KLHL28: variants seen among roughly 807,000 people sequenced by gnomAD.
KLHL28 encodes kelch like family member 28.
A neutral mutation model predicts 48.3 loss-of-function variants in KLHL28; 22 were observed. That is an observed-to-expected ratio of 0.46 (90% CI 0.33 to 0.65). KLHL28 has a LOEUF of 0.65. Ranked by LOEUF, KLHL28 falls within the 30% of genes least tolerant of loss-of-function variation. The pLI is 0.03. For synonymous variants in KLHL28, 243 were observed against 242.4 expected, an observed-to-expected ratio of 1.00 and a Z score of -0.02; for missense variants, 527 against 704.3, an observed-to-expected ratio of 0.75 and a Z score of 2.85.
At chr14:44,944,888 T>C (rs1448680905) in intron 2 of KLHL28, 142 bp downstream of exon 2, 2 of 611,426 alleles carry the variant, frequency 3.3e-6, no homozygotes, top group Non-Finnish European at 2.8e-6. Flanking sequence ...ACGTAAGTAT[T>C]TTAGGAAGAA....
In KLHL28 at chr14:44,931,557, A is replaced by C; in HGVS notation, c.1344-16T>G. On this transcript the variant is annotated splice_polypyrimidine_tract_variant and intron_variant, in intron 3 of 4. Coordinates refer to ENST00000396128, the MANE Select transcript of KLHL28 (RefSeq NM_017658.5). ...ACGCTCCACACTGCAAATATTTAAA[A>C]AAAATTTAATTTACAGATCTTTTGT... The C allele has an allele frequency of 6.3e-7, 1 of 1,590,644 alleles. No homozygotes were observed. Among genetic ancestry groups the C allele is most frequent in the Non-Finnish European group, 8.6e-7 (1 of 1,163,524 alleles).
Position 44,934,126 on chromosome 14 carries a change from G to A in KLHL28, c.1332C>T (p.Ala444=). 6.2e-7 allele frequency: 1 copy of A among 1,611,070 alleles called. No individual in the cohort carries two copies. Among genetic ancestry groups the A allele is most frequent in the East Asian group, 2.2e-5 (1 of 44,848 alleles). The part of the protein sequence containing the change: ...MIYAIGGYGP[A]HMNSVERYDP... ...ATTAAGTTAAATACCTGTTCATGTG[G>A]GCAGGACCATACCCACCAATGGCAT... Residue 444 remains alanine, a synonymous_variant, in exon 3 of 5, where the codon GCC becomes GCT. Transcript: ENST00000396128.
chr14:44,957,470 C>T (rs1884842726), intron 1 of KLHL28, among the ~76,000 whole-genome samples: 1 of 152,096 alleles, frequency 6.6e-6, no homozygotes, highest in African/African-American at 2.4e-5. Flanking sequence ...GAACAATGCT[C>T]TCTACACATT....
At chr14:44,941,853 C>T (rs1031208299) in intron 2 of KLHL28, among the ~76,000 whole-genome samples, 1 of 151,996 alleles carries the variant, frequency 6.6e-6, no homozygotes, top group African/African-American at 2.4e-5. Flanking sequence ...TCCTGCTGCC[C>T]TCATCTTAAA....
Position 44,940,595 on chromosome 14 carries a change from TA to T in KLHL28, c.899+4434del, listed in dbSNP as rs1407143657. ...TTCTTCTCTAGCAGGCCTCCTCTCTTAATTAAAGAAAAAAACTAAAGCCATT... is the reference window on the plus strand; with the variant it reads ...TTCTTCTCTAGCAGGCCTCCTCTCTTATTAAAGAAAAAAACTAAAGCCATT... On this transcript the variant is annotated intron_variant, in intron 2 of 4. Transcript: ENST00000396128. Among the ~76,000 whole-genome samples the T allele has an allele frequency of 2.0e-5, 3 of 152,120 alleles. No individual in the cohort carries two copies. In the East Asian group the frequency reaches 5.8e-4, roughly 29 times the overall value.
At chr14:44,935,295 G>T (rs1883760596) in intron 2 of KLHL28, among the ~76,000 whole-genome samples, 1 of 152,128 alleles carries the variant, frequency 6.6e-6, no homozygotes, top group Non-Finnish European at 1.5e-5. Flanking sequence ...TCACTTTTGG[G>T]GAGGACAAGA....
chr14:44,943,696 T>C (rs1444556999), intron 2 of KLHL28, among the ~76,000 whole-genome samples: 1 of 149,152 alleles, frequency 6.7e-6, no homozygotes, highest in African/African-American at 2.5e-5. Flanking sequence ...AATAAATAAA[T>C]AAATAAAATG....
At chr14:44,944,823 T>C (rs966993720) in intron 2 of KLHL28, among the ~76,000 whole-genome samples, 1 of 152,022 alleles carries the variant, frequency 6.6e-6, no homozygotes, top group Non-Finnish European at 1.5e-5. Context: ...CTTGGGGAGA[T>C]GGTTAATAAT....
intron 3 of KLHL28, among the ~76,000 whole-genome samples, chr14:44,933,897 T>C (rs1369841789): frequency 1.3e-5 from 2 of 152,234 alleles, no homozygotes; most frequent in Non-Finnish European, 2.9e-5. Flanking sequence ...AGTCCATTTA[T>C]AGTGAATGAA....
At chr14:44,930,155 A>T (rs1883521660) in intron 4 of KLHL28, among the ~76,000 whole-genome samples, 1 of 152,358 alleles carries the variant, frequency 6.6e-6, no homozygotes, top group East Asian at 1.9e-4. Flanking sequence ...AACAAATTAT[A>T]GTAAACACTA....
At chr14:44,947,101 T>C (rs1884370589) in intron 1 of KLHL28, among the ~76,000 whole-genome samples, 2 of 152,126 alleles carry the variant, frequency 1.3e-5, no homozygotes, top group Non-Finnish European at 2.9e-5. Flanking sequence ...GATTAACAAT[T>C]TTGAGATGGG....
intron 1 of KLHL28, chr14:44,961,055 T>C (rs1399457163): frequency 2.0e-6 from 1 of 509,998 alleles, no homozygotes; most frequent in African/African-American, 1.9e-5. Flanking sequence ...CACTAGACAC[T>C]CCAGCTCTTC....
chr14:44,939,702 T>C (rs558402576), intron 2 of KLHL28, among the ~76,000 whole-genome samples: 2 of 152,254 alleles, frequency 1.3e-5, no homozygotes, highest in African/African-American at 4.8e-5. Context: ...TGTGCACATT[T>C]CTATCAACAT....
At chr14:44,947,090 G>C (rs1315214899) in intron 1 of KLHL28, among the ~76,000 whole-genome samples, 1 of 152,150 alleles carries the variant, frequency 6.6e-6, no homozygotes, top group Non-Finnish European at 1.5e-5. Flanking sequence ...ACTTTGGAAA[G>C]GATTAACAAT....
chr14:44,930,844 T>G (rs188565508), intron 4 of KLHL28, among the ~76,000 whole-genome samples: 2 of 152,304 alleles, frequency 1.3e-5, no homozygotes, highest in East Asian at 3.9e-4. Context: ...AGATAACAAT[T>G]TTTCCTAAAC....
Position 44,934,243 on chromosome 14 carries a change from C to T in KLHL28, c.1215G>A (p.Lys405=). Reference sequence around the variant, plus strand: ...GCCATTTTCTTATTTTGGGAATGTACTTCTCTACAGATTGTAAATAAGATT... The same window carrying T: ...GCCATTTTCTTATTTTGGGAATGTATTTCTCTACAGATTGTAAATAAGATT... ...DGQSYLQSVE[K]YIPKIRKWQP... is the part of the protein sequence containing the mutation. Residue 405 remains lysine (K), a synonymous_variant, in exon 3 of 5, where the codon AAG becomes AAA. Coordinates refer to ENST00000396128, the MANE Select transcript of KLHL28 (RefSeq NM_017658.5). 6.2e-7 allele frequency: 1 copy of T among 1,614,162 alleles called. No homozygotes were observed. The highest frequency in any genetic ancestry group is 8.5e-7 in the Non-Finnish European group (1 of 1,180,018).
chr14:44,936,047 GTTT>G (rs1398843032), intron 2 of KLHL28, among the ~76,000 whole-genome samples: 1 of 151,064 alleles, frequency 6.6e-6, no homozygotes, highest in Non-Finnish European at 1.5e-5. Flanking sequence ...TTTAAAGTCA[GTTT>G]TTATTATAAT....
chr14:44,954,216 TC>T (rs2138662721), intron 1 of KLHL28, among the ~76,000 whole-genome samples: 1 of 152,270 alleles, frequency 6.6e-6, no homozygotes, highest in South Asian at 2.1e-4. Flanking sequence ...TGGAGGTAAA[TC>T]TGTCAAAATA....
intron 3 of KLHL28, 104 bp downstream of exon 3, chr14:44,934,011 G>T: frequency 1.2e-6 from 1 of 831,380 alleles, no homozygotes; most frequent in Non-Finnish European, 1.8e-6. Context: ...CCCAAATGCC[G>T]GAAGTTCATT....
Sources: allele counts gnomAD v4.1 joint callset (sites outside exome capture counted in the v4.1 genomes callset), GRCh38; gene constraint gnomAD v4.1.1; transcripts MANE v1.5; gene names NCBI Gene and HGNC (gene_info 2026-07-23, HGNC 2026-07-21).